Variants in MACROD2 observed in about 807,000 individuals in gnomAD.
MACROD2 encodes the protein ADP-ribose glycohydrolase MACROD2.
A neutral mutation model predicts 70.4 loss-of-function variants in MACROD2; 36 were observed. The ratio of observed to expected loss-of-function variants is 0.51; its 90% confidence interval spans 0.39 to 0.68. MACROD2 has a LOEUF of 0.68. Ranked by LOEUF, MACROD2 falls within the 30% of genes least tolerant of loss-of-function variation. The probability of loss-of-function intolerance (pLI) is 0.00; values close to 1 mark genes in which losing one functional copy is unlikely to be tolerated. For synonymous variants in MACROD2, 172 were observed against 178.8 expected, an observed-to-expected ratio of 0.96 and a Z score of 0.30; for missense variants, 496 against 538.4, an observed-to-expected ratio of 0.92 and a Z score of 0.78.
At chr20:14,069,548 A>G (rs1204882774) in intron 2 of MACROD2, among the ~76,000 whole-genome samples, 1 of 151,734 alleles carries the variant, frequency 6.6e-6, no homozygotes, top group Non-Finnish European at 1.5e-5. Context: ...AATGTATTAG[A>G]AGTCAAAAAT....
chr20:15,781,974 C>A (rs886794418), intron 8 of MACROD2, among the ~76,000 whole-genome samples: 1 of 152,184 alleles, frequency 6.6e-6, no homozygotes, highest in South Asian at 2.1e-4. Flanking sequence ...AGATAGATTA[C>A]AGAGATGAAG....
chr20:14,972,236 G>A (rs1169329367), intron 5 of MACROD2, among the ~76,000 whole-genome samples: 1 of 152,198 alleles, frequency 6.6e-6, no homozygotes, highest in Non-Finnish European at 1.5e-5. Context: ...CACAGAGCCT[G>A]CCCAGACTGA....
intron 8 of MACROD2, among the ~76,000 whole-genome samples, chr20:15,723,532 C>T (rs1411815309): frequency 6.6e-6 from 1 of 152,206 alleles, no homozygotes; most frequent in African/African-American, 2.4e-5. Flanking sequence ...TAGTTGGAAT[C>T]ATACAGTAAG....
At chr20:15,642,750 C>T (rs932269882) in intron 8 of MACROD2, among the ~76,000 whole-genome samples, 4 of 152,054 alleles carry the variant, frequency 2.6e-5, no homozygotes, top group African/African-American at 9.7e-5. Flanking sequence ...TCTATCCTGT[C>T]TTCTGTGTGT....
At chr20:14,174,941 C>T (rs929845566) in intron 3 of MACROD2, among the ~76,000 whole-genome samples, 3 of 152,168 alleles carry the variant, frequency 2.0e-5, no homozygotes, top group African/African-American at 4.8e-5. Flanking sequence ...TTCCTGTGAT[C>T]TGGAACTTCA....
chr20:14,648,581 G>A (rs527655208), intron 4 of MACROD2, among the ~76,000 whole-genome samples: 21 of 151,562 alleles, frequency 1.4e-4, no homozygotes, highest in South Asian at 2.1e-4. Flanking sequence ...CTTTGTCTAC[G>A]TCTACTTTCT....
At chr20:14,549,501 AATTG>A (rs1978512348) in intron 4 of MACROD2, among the ~76,000 whole-genome samples, 1 of 152,036 alleles carries the variant, frequency 6.6e-6, no homozygotes, top group Non-Finnish European at 1.5e-5. Flanking sequence ...CTTGCTGTAA[AATTG>A]ATTGTTATGA....
At chr20:14,569,266 CAG>C (rs2123313966) in intron 4 of MACROD2, among the ~76,000 whole-genome samples, 1 of 151,972 alleles carries the variant, frequency 6.6e-6, no homozygotes, top group South Asian at 2.1e-4. Flanking sequence ...AAAATAACAC[CAG>C]AGTCTTGAAT....
At chr20:14,708,773 A>G (rs1268891555) in intron 5 of MACROD2, among the ~76,000 whole-genome samples, 1 of 152,002 alleles carries the variant, frequency 6.6e-6, no homozygotes, top group East Asian at 1.9e-4. Flanking sequence ...GCCCGCCACC[A>G]TGCCCAGCTA....
At chr20:15,977,807 C>T (rs2066331113) in intron 13 of MACROD2, among the ~76,000 whole-genome samples, 1 of 152,084 alleles carries the variant, frequency 6.6e-6, no homozygotes, top group African/African-American at 2.4e-5. Context: ...GTACATTTTA[C>T]TATATGCAAG....
At position 14,803,985 on chromosome 20, in the gene MACROD2, G is replaced by A. The variant is rs539718720; in HGVS notation, c.418+119026G>A. On this transcript the variant is annotated intron_variant, in intron 5 of 17. Coordinates refer to ENST00000684519, the MANE Select transcript of MACROD2 (RefSeq NM_001351661.2). ...AGTTTATAAACATTTATAATTTTAC[G>A]TCATAAGTTGTGAACTTTAGTGACC... Among the ~76,000 whole-genome samples, 35 of 152,054 alleles carry A rather than the reference G, an allele frequency of 2.3e-4. No homozygotes were observed. The South Asian group carries it at 6.9e-3, about 30-fold the overall frequency.
At chr20:14,594,181 C>T (rs62202903) in intron 4 of MACROD2, among the ~76,000 whole-genome samples, 2 of 152,042 alleles carry the variant, frequency 1.3e-5, no homozygotes, top group South Asian at 2.1e-4. Context: ...TTTCCTCTAC[C>T]CTCTTCAACC....
At chr20:15,648,085 C>G (rs890437273) in intron 8 of MACROD2, among the ~76,000 whole-genome samples, 2 of 152,086 alleles carry the variant, frequency 1.3e-5, no homozygotes, top group Admixed American at 1.3e-4. Context: ...AGATTGTTCT[C>G]AAAACACTGT....
chr20:14,134,750 A>T (rs1331930273), intron 3 of MACROD2, among the ~76,000 whole-genome samples: 1 of 138,252 alleles, frequency 7.2e-6, no homozygotes, highest in Non-Finnish European at 1.5e-5. Context: ...AGTTGCAGTG[A>T]GCCGAGATCG....
At chr20:14,017,197 C>G (rs1426743219) in intron 2 of MACROD2, among the ~76,000 whole-genome samples, 4 of 152,044 alleles carry the variant, frequency 2.6e-5, no homozygotes, top group Non-Finnish European at 5.9e-5. Context: ...GATTTTGTAT[C>G]CTGCAGCTTT....
At chr20:15,383,043 A>T (rs539092369) in intron 6 of MACROD2, among the ~76,000 whole-genome samples, 1 of 152,234 alleles carries the variant, frequency 6.6e-6, no homozygotes. Context: ...AACTATATGA[A>T]ATCCTTCGTC....
At chr20:14,938,800 C>T (rs1253759467) in intron 5 of MACROD2, among the ~76,000 whole-genome samples, 1 of 151,850 alleles carries the variant, frequency 6.6e-6, no homozygotes, top group Non-Finnish European at 1.5e-5. Flanking sequence ...AAACCTAAAC[C>T]AAACAGAATT....
chr20:14,902,115 A>C (rs1415733237), intron 5 of MACROD2, among the ~76,000 whole-genome samples: 2 of 152,226 alleles, frequency 1.3e-5, no homozygotes, highest in Non-Finnish European at 2.9e-5. Flanking sequence ...GAAATATTGA[A>C]GGGCCATTAA....
intron 2 of MACROD2, among the ~76,000 whole-genome samples, chr20:14,056,021 T>C (rs551493490): frequency 6.6e-6 from 1 of 152,260 alleles, no homozygotes; most frequent in Admixed American, 6.5e-5. Context: ...ATTATGCAGA[T>C]TGTAAATGGG....
Sources: allele counts gnomAD v4.1 joint callset (sites outside exome capture counted in the v4.1 genomes callset), GRCh38; gene constraint gnomAD v4.1.1; transcripts MANE v1.5; gene names NCBI Gene and HGNC (gene_info 2026-07-23, HGNC 2026-07-21).